Variants in SLC16A2 observed in about 807,000 individuals in gnomAD.
SLC16A2 encodes solute carrier family 16 member 2.
SLC16A2 carries 3 observed loss-of-function variants against 27.2 expected under a neutral mutation model. That is an observed-to-expected ratio of 0.11 (90% confidence interval 0.05 to 0.28). The LOEUF (loss-of-function observed/expected upper bound fraction) is 0.28. SLC16A2 is among the 10% of genes least tolerant of loss of function. The probability of loss-of-function intolerance (pLI) is 1.00; values close to 1 mark genes in which losing one functional copy is unlikely to be tolerated. For synonymous variants in SLC16A2, 202 were observed against 187.8 expected, an observed-to-expected ratio of 1.08 and a Z score of -0.62; for missense variants, 295 against 458.5, an observed-to-expected ratio of 0.64 and a Z score of 3.26.
chrX:74,482,069 C>T (rs1929630836), intron 1 of SLC16A2, among the ~76,000 whole-genome samples: 1 of 110,934 alleles, frequency 9.0e-6, no homozygotes, highest in Non-Finnish European at 1.9e-5. Flanking sequence ...ATTTCATATA[C>T]AAGATTTTTG....
intron 1 of SLC16A2, among the ~76,000 whole-genome samples, chrX:74,510,680 A>G (rs1602137547): frequency 8.9e-6 from 1 of 111,843 alleles, no homozygotes; most frequent in African/African-American, 3.3e-5. Flanking sequence ...CAATAGCTGC[A>G]GAGGGAAGCA....
At chrX:74,528,395 C>A (rs762996388) in intron 4 of SLC16A2, among the ~76,000 whole-genome samples, 1 of 110,340 alleles carries the variant, frequency 9.1e-6, no homozygotes, top group East Asian at 2.9e-4. Context: ...AAAAAAAAAA[C>A]AACCTCTGGA....
intron 1 of SLC16A2, among the ~76,000 whole-genome samples, chrX:74,487,571 G>A (rs1929744661): frequency 1.8e-5 from 2 of 111,956 alleles, no homozygotes; most frequent in Non-Finnish European, 3.8e-5. Context: ...ACCCAAACAA[G>A]CTCTTAATTT....
intron 1 of SLC16A2, among the ~76,000 whole-genome samples, chrX:74,487,948 C>G (rs1929750664): frequency 8.9e-6 from 1 of 111,956 alleles, no homozygotes; most frequent in Non-Finnish European, 1.9e-5. Context: ...ATATTTTATG[C>G]ATTTACTATT....
chrX:74,471,607 G>T (rs1225660678), intron 1 of SLC16A2, among the ~76,000 whole-genome samples: 1 of 111,148 alleles, frequency 9.0e-6, no homozygotes, highest in Non-Finnish European at 1.9e-5. Context: ...TATCTTACTG[G>T]TGCCCCTTGA....
At chrX:74,426,684 T>C (rs1385266416) in intron 1 of SLC16A2, among the ~76,000 whole-genome samples, 1 of 112,483 alleles carries the variant, frequency 8.9e-6, no homozygotes, top group Non-Finnish European at 1.9e-5. Context: ...TTTGACTAAA[T>C]AAACTTTCTA....
chrX:74,502,544 G>A (rs1230396227), intron 1 of SLC16A2, among the ~76,000 whole-genome samples: 2 of 112,348 alleles, frequency 1.8e-5, no homozygotes, highest in Non-Finnish European at 3.8e-5. Context: ...TGTAAATGAA[G>A]AAATGCCAAA....
intron 1 of SLC16A2, among the ~76,000 whole-genome samples, chrX:74,438,204 C>G (rs1458037003): frequency 8.9e-6 from 1 of 112,307 alleles, no homozygotes; most frequent in Admixed American, 9.4e-5. Context: ...TGCCATTTAC[C>G]TGATCTGCAA....
chrX:74,474,303 T>G (rs1929419277), intron 1 of SLC16A2, among the ~76,000 whole-genome samples: 1 of 111,910 alleles, frequency 8.9e-6, no homozygotes, highest in Admixed American at 9.5e-5. Context: ...AATTTATTCC[T>G]AAGTAGTATA....
chrX:74,503,790 A>G (rs1399955554), intron 1 of SLC16A2, among the ~76,000 whole-genome samples: 1 of 111,930 alleles, frequency 8.9e-6, no homozygotes, highest in African/African-American at 3.3e-5. Flanking sequence ...CAAAGACCTT[A>G]TTGTCAGACA....
At chrX:74,522,483 G>A (rs1353818756) in intron 2 of SLC16A2, among the ~76,000 whole-genome samples, 1 of 111,875 alleles carries the variant, frequency 8.9e-6, no homozygotes, top group African/African-American at 3.3e-5. Flanking sequence ...GAACCCCTCT[G>A]GTGGTCAGCC....
chrX:74,517,145 T>C (rs1461003323), intron 1 of SLC16A2, among the ~76,000 whole-genome samples: 2 of 112,044 alleles, frequency 1.8e-5, no homozygotes, highest in Non-Finnish European at 3.8e-5. Flanking sequence ...GCACATATTG[T>C]GCCACTCCTA....
intron 1 of SLC16A2, among the ~76,000 whole-genome samples, chrX:74,448,302 A>ATTTTTT (rs144467927): frequency 3.1e-5 from 2 of 64,248 alleles, no homozygotes; most frequent in Non-Finnish European, 5.5e-5. Flanking sequence ...AATCCTTTGG[A>ATTTTTT]TTTTTTTTTT....
chrX:74,497,485 G>T (rs1929957492), intron 1 of SLC16A2, among the ~76,000 whole-genome samples: 1 of 109,447 alleles, frequency 9.1e-6, no homozygotes. Flanking sequence ...TATACTAGAG[G>T]TTCTCAAAGT....
At chrX:74,471,325 GTTA>G (rs1929353011) in intron 1 of SLC16A2, among the ~76,000 whole-genome samples, 1 of 111,982 alleles carries the variant, frequency 8.9e-6, no homozygotes, top group South Asian at 3.7e-4. Context: ...ATGAAAGACA[GTTA>G]TTATAATCCT....
At chrX:74,448,861 C>T (rs1367346316) in intron 1 of SLC16A2, among the ~76,000 whole-genome samples, 7 of 111,152 alleles carry the variant, frequency 6.3e-5, no homozygotes, top group Non-Finnish European at 9.4e-5. Context: ...TTACGTGCAG[C>T]GATAATGACA....
Position 74,524,679 on chromosome X carries a change from T to A in SLC16A2, c.896T>A (p.Leu299Gln), listed in dbSNP as rs1930461794. 6.6e-6 allele frequency: 8 copies of A among 1,211,963 alleles called. No individual in the cohort carries two copies. The highest frequency in any genetic ancestry group is 8.9e-6 in the Non-Finnish European group (8 of 895,552). ...DTPSKRGVRT[L>Q]HQRFLAQLRK... ...CCAAGCAAGAGAGGTGTCCGCACCCTGCACCAGCGCTTTCTGGCTCAGCTC... is the reference window on the plus strand; with the variant it reads ...CCAAGCAAGAGAGGTGTCCGCACCCAGCACCAGCGCTTTCTGGCTCAGCTC... The change falls in exon 3 of 6, where the codon CTG becomes CAG. Residue 299 changes from leucine (L) to glutamine (Q), a missense_variant. By Grantham distance (113) the Leu-to-Gln change is moderately radical. This residue lies in a region of SLC16A2 where 144 missense variants were observed against 219.8 expected (regional missense o/e 0.66). Transcript: ENST00000587091.
chrX:74,433,586 A>T (rs1928571341), intron 1 of SLC16A2, among the ~76,000 whole-genome samples: 1 of 110,978 alleles, frequency 9.0e-6, no homozygotes, highest in Admixed American at 9.6e-5. Context: ...TTTAGCTCCC[A>T]CTTATAGGAA....
chrX:74,470,267 G>T (rs531371276), intron 1 of SLC16A2, among the ~76,000 whole-genome samples: 2 of 112,521 alleles, frequency 1.8e-5, no homozygotes, highest in African/African-American at 6.4e-5. Flanking sequence ...GAATAAAACT[G>T]CTATAAACAA....
Sources: gnomAD v4.1 joint callset for allele counts (sites outside exome capture counted in the v4.1 genomes callset) on GRCh38, gnomAD v4.1.1 for gene constraint, gnomAD v4.1.1 regional missense constraint, MANE v1.5 for transcripts, NCBI Gene and HGNC (gene_info 2026-07-23, HGNC 2026-07-21) for gene names.